Variants in PLCB3 observed in about 807,000 individuals in gnomAD.
PLCB3 encodes the protein 1-phosphatidylinositol 4,5-bisphosphate phosphodiesterase beta-3.
PLCB3 carries 54 observed loss-of-function variants against 152.1 expected under a neutral mutation model. That is an observed-to-expected ratio of 0.36 (90% CI 0.29 to 0.45). The LOEUF (loss-of-function observed/expected upper bound fraction) is 0.45. Ranked by LOEUF, PLCB3 falls within the 20% of genes least tolerant of loss-of-function variation. The pLI is 1.00. For synonymous variants in PLCB3, 717 were observed against 698.7 expected, an observed-to-expected ratio of 1.03 and a Z score of -0.41; for missense variants, 1,248 against 1,687.5, an observed-to-expected ratio of 0.74 and a Z score of 4.56.
chr11:64,265,284 G>T (rs776870992), intron 24 of PLCB3, 26 bp from the exon 25 acceptor site: 4 of 1,406,400 alleles, frequency 2.8e-6, no homozygotes, highest in Non-Finnish European at 3.8e-6. Context: ...CCCACCCCCC[G>T]CCCACCTTTG....
At position 64,261,516 on chromosome 11, in the gene PLCB3, A is replaced by G. The variant is rs1343702050; in HGVS notation, c.1828+20A>G. 1 of 1,611,516 alleles carries G rather than the reference A, an allele frequency of 6.2e-7. No homozygotes were observed. The highest frequency in any genetic ancestry group is 1.1e-5 in the South Asian group (1 of 91,004). Reference sequence around the variant, plus strand: ...CTCGAAGTGAGTGGGGGTGGGTGGCAGGCATGGGAGCTTGCCCAGCTCAGC... The same window carrying G: ...CTCGAAGTGAGTGGGGGTGGGTGGCGGGCATGGGAGCTTGCCCAGCTCAGC... On this transcript the variant is annotated intron_variant, in intron 15 of 30. Coordinates refer to ENST00000279230, the MANE Select transcript of PLCB3 (RefSeq NM_000932.5).
chr11:64,267,602 G>C lies in PLCB3; in HGVS notation c.*46G>C. 7.4e-7 allele frequency: 1 copy of C among 1,343,720 alleles called. No individual in the cohort carries two copies. The highest frequency in any genetic ancestry group is 1.0e-6 in the Non-Finnish European group (1 of 985,682). 83.2% of individuals were successfully genotyped at this position (1,343,720 alleles called of 1,614,324 possible). A position where few individuals can be genotyped will look rare whatever the true frequency, so the allele number is the denominator to read the frequency against. On this transcript the variant is annotated 3_prime_UTR_variant, in exon 31 of 31. Coordinates refer to ENST00000279230, the MANE Select transcript of PLCB3 (RefSeq NM_000932.5). The surrounding 1 kb of genome is among the most constrained non-coding windows in gnomAD (Gnocchi z 5.2). The stretch of plus-strand genomic sequence containing the variant: ...ACAGGGCCAGGGCGGGCGCTGGGTG[G>C]AGGGCAGGAGGCAATGACACTAATG...
At position 64,255,201 on chromosome 11, in the gene PLCB3, C is replaced by T; in HGVS notation, c.388-33C>T. On this transcript the variant is annotated intron_variant, in intron 4 of 30. Transcript: ENST00000279230. This position sits in a 1 kb window ranked among gnomAD's most constrained non-coding sequence, Gnocchi z 6.8. ...GGCTGGGCAGCCCCTGTGTCCCCCA[C>T]TCACCGCCTCCCCGTGTATACTGGC... The T allele has an allele frequency of 6.3e-7, 1 of 1,581,512 alleles. No individual in the cohort carries two copies. Among genetic ancestry groups the T allele is most frequent in the East Asian group, 2.2e-5 (1 of 44,602 alleles).
intron 8 of PLCB3, 120 bp from the exon 9 acceptor site, chr11:64,256,256 A>G: frequency 1.2e-6 from 1 of 826,524 alleles, no homozygotes; most frequent in Non-Finnish European, 1.9e-6. Flanking sequence ...CCAGAGTCCC[A>G]CTCACTGGGT....
chr11:64,263,405 TTTG>T lies in PLCB3; in HGVS notation c.2356-90_2356-88del. 3 of 758,290 alleles carry T rather than the reference TTTG, an allele frequency of 4.0e-6. No individual in the cohort carries two copies. The South Asian group carries it at 5.2e-5, about 13-fold the overall frequency. 47.0% of individuals were successfully genotyped at this position (758,290 alleles called of 1,614,324 possible). A position where few individuals can be genotyped will look rare whatever the true frequency, so the allele number is the denominator to read the frequency against. On this transcript the variant is annotated intron_variant, in intron 19 of 30. Transcript: ENST00000279230. ...TAGGTCAGCTCGTCTGAAGGTCTGCTTTGTTAAGCTTTGATGGCTGTGGTTAGC... is the reference window on the plus strand; with the variant it reads ...TAGGTCAGCTCGTCTGAAGGTCTGCTTTAAGCTTTGATGGCTGTGGTTAGC...
Position 64,262,411 on chromosome 11 carries a change from G to A in PLCB3, c.2043G>A (p.Val681=), listed in dbSNP as rs150762663. The change falls in exon 18 of 31, where the codon GTG becomes GTA. Residue 681 remains valine (V), a synonymous_variant. Transcript: ENST00000279230. ...LVALNFQTLD[V]AMQLNAGVFE... ...GACGTGCCCGTGGCACCCCAGATGT[G>A]GCGATGCAGCTCAACGCGGGCGTTT... is the stretch of plus-strand genomic sequence containing the variant. The A allele has an allele frequency of 2.5e-6, 4 of 1,612,150 alleles. No homozygotes were observed. The African/African-American group carries it at 5.3e-5, about 22-fold the overall frequency.
Position 64,262,813 on chromosome 11 carries a change from G to A in PLCB3, c.2355+5G>A. The A allele has an allele frequency of 6.2e-7, 1 of 1,612,210 alleles. No individual in the cohort carries two copies. The highest frequency in any genetic ancestry group is 8.5e-7 in the Non-Finnish European group (1 of 1,179,488). On this transcript the variant is annotated splice_donor_5th_base_variant and intron_variant, in intron 19 of 30. Transcript: ENST00000279230. ...GAGCCCTTCGACTTCCCCAAGGTGA[G>A]CCTGGCCCCTGCACCCGCCCAGGCA...
intron 12 of PLCB3, 43 bp from the exon 13 acceptor site, chr11:64,259,015 T>G (rs376657537): frequency 1.1e-4 from 174 of 1,612,504 alleles, no homozygotes; most frequent in Non-Finnish European, 1.4e-4. Context: ...GCCAGGGTGC[T>G]GCGGACCCGG....
downstream of PLCB3, chr11:64,268,576 G>A (rs1322430464): frequency 4.6e-5 from 7 of 152,322 alleles, no homozygotes; most frequent in South Asian, 2.1e-4. Flanking sequence ...CTGACCTGGA[G>A]GCAGGGCAGG....
Position 64,266,120 on chromosome 11 carries a change from C to G in PLCB3, c.3190-6C>G. 8 of 1,614,034 alleles carry G rather than the reference C, an allele frequency of 5.0e-6. No homozygotes were observed. Among genetic ancestry groups the G allele is most frequent in the Non-Finnish European group, 5.9e-6 (7 of 1,179,954 alleles). On this transcript the variant is annotated splice_polypyrimidine_tract_variant and splice_region_variant and intron_variant, in intron 26 of 30. Transcript: ENST00000279230. This position sits in a 1 kb window ranked among gnomAD's most constrained non-coding sequence, Gnocchi z 4.9. Reference sequence around the variant, plus strand: ...GGCATCACCTGTCAGCTCCCTGTGTCCACAGGCTCTGCAGCGGCTCAGGGA... The same window carrying G: ...GGCATCACCTGTCAGCTCCCTGTGTGCACAGGCTCTGCAGCGGCTCAGGGA...
intron 16 of PLCB3, 98 bp downstream of exon 16, chr11:64,261,763 C>A: frequency 7.1e-7 from 1 of 1,416,464 alleles, no homozygotes; most frequent in Non-Finnish European, 1.0e-6. Flanking sequence ...GCACAGGGTG[C>A]TGGCCCTCCG....
chr11:64,261,923 C>T (rs1664372848), intron 16 of PLCB3, 29 bp from the exon 17 acceptor site: 5 of 1,613,376 alleles, frequency 3.1e-6, no homozygotes, highest in Non-Finnish European at 2.5e-6. Context: ...GGCCCTGGCA[C>T]CTGTGTGGCC....
At position 64,256,408 on chromosome 11, in the gene PLCB3, A is replaced by G; in HGVS notation, c.731A>G (p.Glu244Gly). The change falls in exon 9 of 31, where the codon GAG (glutamate) becomes GGG (glycine). Residue 244 changes from glutamate to glycine, a missense_variant. By Grantham distance (98) the Glu-to-Gly change is moderately conservative (BLOSUM62 -2). This residue lies in a region of PLCB3 where 299 missense variants were observed against 434.7 expected (regional missense o/e 0.69). Coordinates refer to ENST00000279230, the MANE Select transcript of PLCB3 (RefSeq NM_000932.5). The stretch of plus-strand genomic sequence containing the variant: ...AAGGGCAAGCCATACCTGACGCTGG[A>G]GCAGCTCATGGACTTCATCAACCAG... The part of the protein sequence containing the change: ...GAKGKPYLTL[E>G]QLMDFINQKQ... 2 of 1,613,632 alleles carry G rather than the reference A, an allele frequency of 1.2e-6. No individual in the cohort carries two copies. The highest frequency in any genetic ancestry group is 4.5e-5 in the East Asian group (2 of 44,866).
rs183622724 is a variant in PLCB3 at position 64,251,738 on chromosome 11, A to T, written c.89A>T (p.Lys30Ile). 2 of 1,464,348 alleles carry T rather than the reference A, an allele frequency of 1.4e-6. No homozygotes were observed. Among genetic ancestry groups the T allele is most frequent in the East Asian group, 3.0e-5 (1 of 33,392 alleles). The allele number at this position is 1,464,348 out of a possible 1,614,324, so 90.7% of individuals were successfully genotyped here. The part of the protein sequence containing the change: ...ETLRRGSKFI[K>I]WDEETSSRNL... ...CTGCGGCGCGGGAGTAAGTTCATCA[A>T]ATGGGACGAGGTAAGCGCGCGGGCC... Residue 30 changes from lysine (K) to isoleucine (I), a missense_variant, in exon 1 of 31, where the codon AAA becomes ATA. By Grantham distance (102) the Lys-to-Ile change is moderately radical. Around this residue, in one of 6 missense-constraint regions of PLCB3, gnomAD observed 299 missense variants for 434.7 expected, o/e 0.69. Coordinates refer to ENST00000279230, the MANE Select transcript of PLCB3 (RefSeq NM_000932.5).
At chr11:64,254,545 C>A in intron 2 of PLCB3, 53 bp downstream of exon 2, 1 of 1,557,818 alleles carries the variant, frequency 6.4e-7, no homozygotes. Flanking sequence ...CTGTCCCAGA[C>A]CCCTGCCCTG....
Position 64,259,171 on chromosome 11 carries a change from G to A in PLCB3, c.1452G>A (p.Lys484=), listed in dbSNP as rs2031706976. 1 of 1,602,006 alleles carries A rather than the reference G, an allele frequency of 6.2e-7. No homozygotes were observed. Among genetic ancestry groups the A allele is most frequent in the East Asian group, 2.3e-5 (1 of 44,162 alleles). The change falls in exon 13 of 31, where the codon AAG becomes AAA. Residue 484 remains lysine, a synonymous_variant. Transcript: ENST00000279230. Reference sequence around the variant, plus strand: ...GTGGCCCAGACAGCGCCGGGCGCAAGCGGCCCCTGGAGCAGAGCAATTCTG... The same window carrying A: ...GTGGCCCAGACAGCGCCGGGCGCAAACGGCCCCTGGAGCAGAGCAATTCTG... ...SAGGPDSAGR[K]RPLEQSNSAL...
chr11:64,261,860 G>T (rs2031868944), intron 16 of PLCB3, 92 bp from the exon 17 acceptor site: 5 of 1,560,796 alleles, frequency 3.2e-6, no homozygotes, highest in Admixed American at 1.7e-5. Context: ...GAGGCCGGGT[G>T]TGGGGGTCAC....
intron 10 of PLCB3, among the ~76,000 whole-genome samples, chr11:64,257,052 TG>T (rs1425320457): frequency 2.2e-5 from 3 of 138,710 alleles, no homozygotes; most frequent in African/African-American, 5.2e-5. Context: ...TTGCCCAGGC[TG>T]GAGTGCAATG....
chr11:64,261,275 C>G, intron 14 of PLCB3, 125 bp from the exon 15 acceptor site: 3 of 740,208 alleles, frequency 4.1e-6, no homozygotes, highest in Non-Finnish European at 7.2e-6. Context: ...AGAAGACTGT[C>G]GGCACCACCA....
Sources: allele counts gnomAD v4.1 joint callset (sites outside exome capture counted in the v4.1 genomes callset), GRCh38; gene constraint gnomAD v4.1.1; regional missense constraint gnomAD v4.1.1; non-coding constraint Gnocchi (gnomAD v3.1); transcripts MANE v1.5; gene names NCBI Gene and HGNC (gene_info 2026-07-23, HGNC 2026-07-21).